Variants in ROBO1 observed in about 807,000 individuals in gnomAD.
ROBO1 encodes the protein roundabout guidance receptor 1.
In ROBO1, 149 loss-of-function variants were observed where a neutral mutation model predicts 195.9. The observed-to-expected ratio is 0.76, with a 90% CI of 0.67 to 0.87. The LOEUF is 0.87. Ranked by LOEUF, ROBO1 falls within the 40% of genes least tolerant of loss-of-function variation. The pLI, the probability that ROBO1 is intolerant of heterozygous loss-of-function variation, is 0.00. For missense variants in ROBO1, 1,933 were observed against 2,068.3 expected, an observed-to-expected ratio of 0.93 and a Z score of 1.27; for synonymous variants, 816 against 733.2, an observed-to-expected ratio of 1.11 and a Z score of -1.82.
intron 2 of ROBO1, among the ~76,000 whole-genome samples, chr3:79,434,964 C>CA (rs1184672344): frequency 2.0e-5 from 3 of 151,470 alleles, no homozygotes; most frequent in African/African-American, 4.9e-5. Flanking sequence ...ATCGCAAGGA[C>CA]AAAAAACCAA....
In ROBO1 at chr3:78,750,656, T is replaced by C. The variant is rs374734208; in HGVS notation, c.500-3756A>G. On this transcript the variant is annotated intron_variant, in intron 4 of 30. Coordinates refer to ENST00000464233, the MANE Select transcript of ROBO1 (RefSeq NM_002941.4). ...AATTCAGTGGTGTCTTTGCAACTTA[T>C]CTGGGTAATATTAAGATAGGAAGCA... 4.8e-4 allele frequency among the ~76,000 whole-genome samples: 73 copies of C among 152,204 alleles called. No individual in the cohort carries two copies. In the East Asian group the frequency reaches 8.9e-3, roughly 18 times the overall value.
intron 2 of ROBO1, among the ~76,000 whole-genome samples, chr3:79,468,100 A>G (rs1445128121): frequency 6.6e-6 from 1 of 152,234 alleles, no homozygotes; most frequent in African/African-American, 2.4e-5. Context: ...ATTGATAGAA[A>G]GACAGGCTAG....
At chr3:79,271,567 C>T (rs900360184) in intron 2 of ROBO1, among the ~76,000 whole-genome samples, 1 of 151,996 alleles carries the variant, frequency 6.6e-6, no homozygotes, top group African/African-American at 2.4e-5. Flanking sequence ...TTTCTTCCTG[C>T]TCTTTTTTTG....
At chr3:79,107,225 G>A (rs548317194) in intron 3 of ROBO1, among the ~76,000 whole-genome samples, 65 of 149,748 alleles carry the variant, frequency 4.3e-4, no homozygotes, top group African/African-American at 1.6e-3. Context: ...AAATTCATAA[G>A]CATAACAAAA....
chr3:79,603,145 C>G (rs1183717583), intron 1 of ROBO1, among the ~76,000 whole-genome samples: 1 of 151,932 alleles, frequency 6.6e-6, no homozygotes, highest in Non-Finnish European at 1.5e-5. Flanking sequence ...GCCTTGACAT[C>G]TGGTGAAATT....
intron 3 of ROBO1, among the ~76,000 whole-genome samples, chr3:79,007,794 T>A (rs1277245535): frequency 6.6e-6 from 1 of 152,232 alleles, no homozygotes; most frequent in Non-Finnish European, 1.5e-5. Flanking sequence ...TCATCATGCA[T>A]ACCTCTATTA....
intron 1 of ROBO1, among the ~76,000 whole-genome samples, chr3:79,660,698 G>A (rs1172807417): frequency 2.0e-5 from 3 of 152,040 alleles, no homozygotes; most frequent in African/African-American, 7.2e-5. Flanking sequence ...TAACACGTAA[G>A]ATCAGAGAGA....
intron 2 of ROBO1, among the ~76,000 whole-genome samples, chr3:79,323,941 A>T (rs2034097481): frequency 6.6e-6 from 1 of 152,212 alleles, no homozygotes; most frequent in Non-Finnish European, 1.5e-5. Flanking sequence ...CTCAACTACC[A>T]TAATTCTTTA....
At position 78,938,591 on chromosome 3, in the gene ROBO1, G is replaced by T; in HGVS notation, c.499+10C>A. On this transcript the variant is annotated intron_variant, in intron 4 of 30. Transcript: ENST00000464233. ...CCCTCTGCCAAACACAGAGCGCCCA[G>T]TTTACTTACTGGCTACTTCCAGCGA... The T allele has an allele frequency of 6.3e-7, 1 of 1,599,020 alleles. No homozygotes were observed. The highest frequency in any genetic ancestry group is 1.3e-5 in the African/African-American group (1 of 74,730).
intron 2 of ROBO1, among the ~76,000 whole-genome samples, chr3:79,517,219 A>G (rs995589605): frequency 2.0e-5 from 3 of 152,108 alleles, no homozygotes; most frequent in Non-Finnish European, 4.4e-5. Flanking sequence ...TCCTGGGTTC[A>G]TTTCAATTTG....
At chr3:79,598,164 A>T (rs1944236340) in intron 1 of ROBO1, among the ~76,000 whole-genome samples, 1 of 152,130 alleles carries the variant, frequency 6.6e-6, no homozygotes, top group Non-Finnish European at 1.5e-5. Context: ...CATTGTACTT[A>T]AGTAAATGAT....
At chr3:79,706,718 T>G (rs9827295) in intron 1 of ROBO1, among the ~76,000 whole-genome samples, 6 of 151,874 alleles carry the variant, frequency 4.0e-5, no homozygotes, top group South Asian at 2.1e-4. Flanking sequence ...CCATGTAAAA[T>G]ATGACTTGCT....
chr3:79,445,889 T>C (rs2039238231), intron 2 of ROBO1, among the ~76,000 whole-genome samples: 1 of 152,014 alleles, frequency 6.6e-6, no homozygotes, highest in South Asian at 2.1e-4. Flanking sequence ...CCTGACCTCG[T>C]GATCTGCCCG....
chr3:79,688,536 G>T (rs1947203731), intron 1 of ROBO1, among the ~76,000 whole-genome samples: 1 of 151,958 alleles, frequency 6.6e-6, no homozygotes, highest in Non-Finnish European at 1.5e-5. Context: ...GATTTTTGAA[G>T]TCCTTCTTCC....
Position 78,920,339 on chromosome 3 carries a change from C to A in ROBO1, c.499+18262G>T, listed in dbSNP as rs894667967. 3.9e-5 allele frequency among the ~76,000 whole-genome samples: 6 copies of A among 151,992 alleles called. 1 individual carries two copies. In the South Asian group the frequency reaches 1.2e-3, roughly 31 times the overall value. ...CTTTTTTTTGAGATGGAGTCTTGCT[C>A]TGTTGCCCAGGCTGGAGTACAGTGG... is the stretch of plus-strand genomic sequence containing the variant. On this transcript the variant is annotated intron_variant, in intron 4 of 30. Coordinates refer to ENST00000464233, the MANE Select transcript of ROBO1 (RefSeq NM_002941.4).
intron 3 of ROBO1, among the ~76,000 whole-genome samples, chr3:79,035,341 T>A (rs1576595201): frequency 6.6e-6 from 1 of 152,196 alleles, no homozygotes; most frequent in African/African-American, 2.4e-5. Flanking sequence ...TCTGTCACTT[T>A]TACGGATCTA....
At chr3:78,793,027 C>A (rs549926081) in intron 4 of ROBO1, among the ~76,000 whole-genome samples, 1 of 151,662 alleles carries the variant, frequency 6.6e-6, no homozygotes, top group South Asian at 2.1e-4. Context: ...CAGGCTGAGG[C>A]AGGAGGGTCA....
At chr3:79,590,989 G>A (rs1160278813) in intron 1 of ROBO1, among the ~76,000 whole-genome samples, 1 of 151,580 alleles carries the variant, frequency 6.6e-6, no homozygotes, top group Non-Finnish European at 1.5e-5. Context: ...GTAATGAGGA[G>A]CCACTGAGAT....
At chr3:78,993,862 G>T (rs547760355) in intron 3 of ROBO1, among the ~76,000 whole-genome samples, 139 of 151,626 alleles carry the variant, frequency 9.2e-4, no homozygotes, top group African/African-American at 3.1e-3. Context: ...AGCCAAAATG[G>T]TTTTTTTTCC....
Sources: allele counts gnomAD v4.1 joint callset (sites outside exome capture counted in the v4.1 genomes callset), GRCh38; gene constraint gnomAD v4.1.1; transcripts MANE v1.5; gene names NCBI Gene and HGNC (gene_info 2026-07-23, HGNC 2026-07-21).